Variants in RBFOX1 observed in about 807,000 individuals in gnomAD.
RBFOX1 encodes the protein RNA binding protein fox-1 homolog 1.
A neutral mutation model predicts 57.7 loss-of-function variants in RBFOX1; 8 were observed. That is an observed-to-expected ratio of 0.14 (90% CI 0.08 to 0.25). The LOEUF (loss-of-function observed/expected upper bound fraction) is 0.25, where lower values mean the gene tolerates loss of function less well. Among genes scored for constraint, RBFOX1 ranks in the 10% least tolerant of loss-of-function variants. The pLI, the probability that RBFOX1 is intolerant of heterozygous loss-of-function variation, is 1.00. For synonymous variants in RBFOX1, 326 were observed against 222.4 expected (o/e 1.47, Z -4.15); for missense variants, 611 against 548.5 (o/e 1.11, Z -1.14).
At chr16:6,127,606 A>G (rs1007846018) in intron 1 of RBFOX1, among the ~76,000 whole-genome samples, 1 of 152,194 alleles carries the variant, frequency 6.6e-6, no homozygotes, top group African/African-American at 2.4e-5. Flanking sequence ...GACCTTTTCA[A>G]ATAATTCTGT....
chr16:5,790,859 A>AT (rs1157751312), intron 3 of RBFOX1, among the ~76,000 whole-genome samples: 1,517 of 112,874 alleles, frequency 0.013, 12 homozygotes, highest in African/African-American at 0.024. Context: ...GTGGGTCTTT[A>AT]TTTTTTTTTT....
At chr16:6,689,566 C>G (rs1237105635) in intron 3 of RBFOX1, among the ~76,000 whole-genome samples, 2 of 152,056 alleles carry the variant, frequency 1.3e-5, no homozygotes, top group Non-Finnish European at 2.9e-5. Flanking sequence ...TGTAAGGTGC[C>G]TCAGCCTGTC....
At chr16:5,598,910 G>T (rs1300776432) in exon 3 of RBFOX1, 1 of 1,523,990 alleles carries the variant, frequency 6.6e-7, no homozygotes, top group Admixed American at 2.0e-5. Flanking sequence ...AGGACTACAA[G>T]TCTGAAAATT....
At chr16:7,620,519 C>A (rs1194462699) in intron 10 of RBFOX1, among the ~76,000 whole-genome samples, 2 of 152,198 alleles carry the variant, frequency 1.3e-5, no homozygotes, top group Non-Finnish European at 2.9e-5. Flanking sequence ...GTAGAAGATA[C>A]ATTCTGCCCA....
intron 2 of RBFOX1, among the ~76,000 whole-genome samples, chr16:6,548,370 TC>T (rs899810271): frequency 6.6e-6 from 1 of 152,124 alleles, no homozygotes; most frequent in African/African-American, 2.4e-5. Flanking sequence ...GGTCTCAATA[TC>T]AAATTGTTGG....
intron 1 of RBFOX1, among the ~76,000 whole-genome samples, chr16:5,266,235 G>A (rs1383138663): frequency 6.6e-6 from 1 of 152,178 alleles, no homozygotes. Flanking sequence ...TCTGTTGTAT[G>A]TGTGGGGGTT....
At chr16:5,971,287 G>A (rs942825249) in intron 4 of RBFOX1, among the ~76,000 whole-genome samples, 4 of 152,204 alleles carry the variant, frequency 2.6e-5, no homozygotes, top group African/African-American at 9.6e-5. Flanking sequence ...TCCCATAACA[G>A]TCCTTGTCAT....
At chr16:6,495,782 T>C (rs2095753189) in intron 2 of RBFOX1, among the ~76,000 whole-genome samples, 1 of 152,162 alleles carries the variant, frequency 6.6e-6, no homozygotes, top group Admixed American at 6.5e-5. Flanking sequence ...GGCCCAAATC[T>C]CTCCTATGGC....
intron 1 of RBFOX1, among the ~76,000 whole-genome samples, chr16:6,054,147 G>A (rs1487347412): frequency 1.3e-5 from 2 of 152,192 alleles, no homozygotes; most frequent in African/African-American, 4.8e-5. Context: ...AGCAGTGGAG[G>A]AAGCTAAAGT....
rs74004671 is a variant in RBFOX1, at chr16:5,882,004, T to C, written c.351+14669T>C. Reference sequence around the variant, plus strand: ...CAGGTTTATTATCTTCTGAGTATTTTACATACTTAATCTCAATTATTCCCC... The same window carrying C: ...CAGGTTTATTATCTTCTGAGTATTTCACATACTTAATCTCAATTATTCCCC... On this transcript the variant is annotated intron_variant, in intron 4 of 19. Transcript: ENST00000641259. 5.1e-3 allele frequency among the ~76,000 whole-genome samples: 773 copies of C among 152,318 alleles called. 7 individuals are homozygous for C. The highest frequency in any genetic ancestry group is 0.017 in the African/African-American group (713 of 41,566).
chr16:5,660,649 AT>A (rs970812387), intron 3 of RBFOX1, among the ~76,000 whole-genome samples: 33 of 151,506 alleles, frequency 2.2e-4, no homozygotes, highest in African/African-American at 5.6e-4. Flanking sequence ...ACAGTTCATT[AT>A]TTTTTTTTAT....
At chr16:6,335,791 G>GA (rs1251093700) in intron 2 of RBFOX1, among the ~76,000 whole-genome samples, 1,871 of 118,942 alleles carry the variant, frequency 0.016, 19 homozygotes, top group Non-Finnish European at 0.021. Flanking sequence ...AAAAAAAAAA[G>GA]AAAAAAAAAA....
At chr16:7,408,418 A>G (rs1473901357) in intron 4 of RBFOX1, among the ~76,000 whole-genome samples, 1 of 152,222 alleles carries the variant, frequency 6.6e-6, no homozygotes, top group Non-Finnish European at 1.5e-5. Context: ...CACTGCACAG[A>G]GATGAATGGG....
At chr16:6,141,723 C>T (rs1362895545) in intron 1 of RBFOX1, among the ~76,000 whole-genome samples, 1 of 152,162 alleles carries the variant, frequency 6.6e-6, no homozygotes, top group East Asian at 1.9e-4. Context: ...AAATTAATTT[C>T]ATTTTTCTCC....
At chr16:5,613,883 C>T (rs558099392) in intron 3 of RBFOX1, among the ~76,000 whole-genome samples, 2 of 151,652 alleles carry the variant, frequency 1.3e-5, no homozygotes, top group African/African-American at 4.9e-5. Context: ...TCTTCTCTGA[C>T]TCCTTCATCT....
At chr16:6,303,029 T>A (rs2079007600) in intron 1 of RBFOX1, among the ~76,000 whole-genome samples, 1 of 152,190 alleles carries the variant, frequency 6.6e-6, no homozygotes, top group South Asian at 2.1e-4. Context: ...TCTGTTGGGA[T>A]ATGATGCTTG....
At chr16:7,578,511 C>T (rs910822073) in intron 5 of RBFOX1, among the ~76,000 whole-genome samples, 1 of 152,170 alleles carries the variant, frequency 6.6e-6, no homozygotes, top group Non-Finnish European at 1.5e-5. Context: ...GAGAAACTTG[C>T]TAATTATGCC....
At chr16:6,823,833 C>A (rs1052838718) in intron 3 of RBFOX1, among the ~76,000 whole-genome samples, 1 of 152,080 alleles carries the variant, frequency 6.6e-6, no homozygotes, top group Non-Finnish European at 1.5e-5. Flanking sequence ...GCCAGGTAAT[C>A]AGAGAAATAG....
At chr16:7,609,092 C>A (rs2056916374) in intron 10 of RBFOX1, among the ~76,000 whole-genome samples, 1 of 152,206 alleles carries the variant, frequency 6.6e-6, no homozygotes, top group African/African-American at 2.4e-5. Flanking sequence ...AAAAGTCAGA[C>A]AACAGCTTCC....
Sources: allele counts gnomAD v4.1 joint callset (sites outside exome capture counted in the v4.1 genomes callset), GRCh38; gene constraint gnomAD v4.1.1; transcripts MANE v1.5; gene names NCBI Gene and HGNC (gene_info 2026-07-23, HGNC 2026-07-21).